Variants in MRPL43 observed in about 807,000 individuals in gnomAD.
MRPL43 encodes large ribosomal subunit protein mL43.
MRPL43 carries 9 observed loss-of-function variants against 12.7 expected under a neutral mutation model. The ratio of observed to expected loss-of-function variants is 0.71; its 90% confidence interval spans 0.43 to 1.24. MRPL43 has a LOEUF of 1.24. Among genes scored for constraint, MRPL43 ranks in the 50% most tolerant of loss-of-function variants. The pLI is 0.00. For missense variants in MRPL43, 211 were observed against 229.2 expected (o/e 0.92, Z 0.51); for synonymous variants, 116 against 96.4 (o/e 1.20, Z -1.19).
downstream of MRPL43, chr10:100,981,384 C>T (rs1851064566): frequency 1.9e-6 from 3 of 1,610,928 alleles, no homozygotes; most frequent in African/African-American, 4.0e-5. Context: ...AGTAAGTGCT[C>T]AACAAACATT....
chr10:100,985,902 G>C (rs1334331855), downstream of MRPL43: 1 of 152,336 alleles, frequency 6.6e-6, no homozygotes, highest in Non-Finnish European at 1.5e-5. Context: ...TTCATTTCCT[G>C]CCTCTCATTT....
downstream of MRPL43, chr10:100,983,552 T>C (rs1444392472): frequency 3.1e-6 from 5 of 1,613,910 alleles, no homozygotes; most frequent in African/African-American, 4.0e-5. Flanking sequence ...TGGCCTCCTA[T>C]AGTCTCACAG....
downstream of MRPL43, chr10:100,983,554 G>A (rs1204049997): frequency 5.6e-6 from 9 of 1,613,854 alleles, no homozygotes; most frequent in Non-Finnish European, 8.5e-7. Context: ...GCCTCCTATA[G>A]TCTCACAGTC....
chr10:100,981,637 T>C, downstream of MRPL43: 1 of 1,429,584 alleles, frequency 7.0e-7, no homozygotes, highest in South Asian at 1.2e-5. Flanking sequence ...ATGCATGATG[T>C]CATCTACTGT....
Position 100,987,449 on chromosome 10 carries a change from C to G in MRPL43, c.-6G>C, listed in dbSNP as rs1487536536. 3.1e-6 allele frequency: 5 copies of G among 1,611,828 alleles called. No individual in the cohort carries two copies. The East Asian group carries it at 1.1e-4, about 36-fold the overall frequency. ...GGAGTCCCGCGCGCCGTCATAGCTA[C>G]AGCTTGGAGGCCGCGGAGCCTAAGC... On this transcript the variant is annotated 5_prime_UTR_variant, in exon 1 of 3. Transcript: ENST00000318364.
At chr10:100,978,526 G>C (rs776876845), downstream of MRPL43, 48 of 1,613,756 alleles carry the variant, frequency 3.0e-5, no homozygotes, top group Non-Finnish European at 4.0e-5. Flanking sequence ...CCCCACGCCA[G>C]ATGGAGGCCT....
rs1395384210 is a variant in MRPL43, at chr10:100,986,676, A to T, written c.*58T>A. ...GGGCTTGGAATCCCAAAGGGGAAGA[A>T]CCACCTTTACCGGAGTAACAGTCCA... is the stretch of plus-strand genomic sequence containing the variant. On this transcript the variant is annotated 3_prime_UTR_variant, in exon 3 of 3. Transcript: ENST00000318364. 2 of 1,613,748 alleles carry T rather than the reference A, an allele frequency of 1.2e-6. No individual in the cohort carries two copies. The highest frequency in any genetic ancestry group is 2.7e-5 in the African/African-American group (2 of 74,910).
chr10:100,978,085 C>T, downstream of MRPL43: 1 of 584,756 alleles, frequency 1.7e-6, no homozygotes, highest in Admixed American at 3.0e-5. Flanking sequence ...TCTAGGTTGG[C>T]CACTTGCAGA....
At chr10:100,980,305 C>T, downstream of MRPL43, 1 of 1,614,228 alleles carries the variant, frequency 6.2e-7, no homozygotes, top group Non-Finnish European at 8.5e-7. Context: ...TGTCACCACG[C>T]CTGCTGGACC....
chr10:100,983,163 G>A (rs1016528387), downstream of MRPL43: 57 of 1,031,856 alleles, frequency 5.5e-5, no homozygotes, highest in East Asian at 4.2e-4. Context: ...GTGGAAGCAT[G>A]AGCACAGAGC....
downstream of MRPL43, among the ~76,000 whole-genome samples, chr10:100,982,817 C>T (rs989779601): frequency 3.3e-5 from 5 of 152,070 alleles, no homozygotes; most frequent in African/African-American, 4.8e-5. Flanking sequence ...AACAAAAAGG[C>T]GAGCAAGAAA....
downstream of MRPL43, chr10:100,984,418 C>T (rs1851317105): frequency 6.8e-7 from 1 of 1,473,846 alleles, no homozygotes. Context: ...ATCCCCTAAC[C>T]TAAACACTTA....
At position 100,987,275 on chromosome 10, in the gene MRPL43, C is replaced by G. The variant is rs528795220; in HGVS notation, c.131+38G>C. 5 of 1,611,824 alleles carry G rather than the reference C, an allele frequency of 3.1e-6. No homozygotes were observed. In the South Asian group the frequency reaches 5.5e-5, roughly 18 times the overall value. ...CGGGGAGTCGTTGCCACCTCCACACCCACCCCGACCCGCGCCTGCGCACTT... is the reference window on the plus strand; with the variant it reads ...CGGGGAGTCGTTGCCACCTCCACACGCACCCCGACCCGCGCCTGCGCACTT... On this transcript the variant is annotated intron_variant, in intron 1 of 2. Transcript: ENST00000318364.
At chr10:100,984,717 C>T, downstream of MRPL43, 1 of 1,536,120 alleles carries the variant, frequency 6.5e-7, no homozygotes, top group African/African-American at 1.4e-5. Flanking sequence ...GGTACCCTCC[C>T]AATTGCCACA....
Position 100,987,470 on chromosome 10 carries a change from T to TA in MRPL43, c.-28dup. The TA allele has an allele frequency of 1.2e-6, 2 of 1,608,608 alleles. No individual in the cohort carries two copies. The highest frequency in any genetic ancestry group is 8.5e-7 in the Non-Finnish European group (1 of 1,177,848). On this transcript the variant is annotated 5_prime_UTR_variant, in exon 1 of 3. Transcript: ENST00000318364. ...GCTACAGCTTGGAGGCCGCGGAGCC[T>TA]AAGCAGCGAGGAGAGGGGGGCGGGA...
downstream of MRPL43, chr10:100,980,224 G>A (rs201564489): frequency 8.5e-5 from 138 of 1,614,218 alleles, 3 homozygotes; most frequent in Middle Eastern, 1.6e-4. Flanking sequence ...GGCTCGGCCC[G>A]TTGTGCCCAC....
chr10:100,979,713 C>T (rs745995693), downstream of MRPL43: 12 of 1,002,104 alleles, frequency 1.2e-5, no homozygotes, highest in Non-Finnish European at 1.6e-5. Flanking sequence ...CAGTGGTCCA[C>T]TGACTCACAG....
downstream of MRPL43, chr10:100,984,878 A>G (rs1851356441): frequency 2.0e-6 from 3 of 1,478,506 alleles, no homozygotes; most frequent in East Asian, 5.0e-5. Flanking sequence ...CTCCTTGGTC[A>G]TTCTCAAGAG....
chr10:100,987,261 T>C (rs1851563530), intron 1 of MRPL43, 52 bp downstream of exon 1: 1 of 1,612,134 alleles, frequency 6.2e-7, no homozygotes. Flanking sequence ...GGGGAGTCGT[T>C]GCCACCTCCA....
Sources: allele counts gnomAD v4.1 joint callset (sites outside exome capture counted in the v4.1 genomes callset), GRCh38; gene constraint gnomAD v4.1.1; transcripts MANE v1.5; gene names NCBI Gene and HGNC (gene_info 2026-07-23, HGNC 2026-07-21).